The following PHF14 variants were observed in gnomAD, a reference collection of about 807,000 sequenced individuals.
The protein encoded by PHF14 is PHD finger protein 14.
PHF14 carries 55 observed loss-of-function variants against 117.9 expected under a neutral mutation model. That is an observed-to-expected ratio of 0.47 (90% CI 0.38 to 0.58). The LOEUF (loss-of-function observed/expected upper bound fraction) is 0.58, where lower values mean the gene tolerates loss of function less well. PHF14 is among the 20% of genes least tolerant of loss of function. The probability of loss-of-function intolerance (pLI) is 0.00; values close to 1 mark genes in which losing one functional copy is unlikely to be tolerated. For missense variants in PHF14, 978 were observed against 1,122.2 expected, an observed-to-expected ratio of 0.87 and a Z score of 1.84; for synonymous variants, 409 against 368.6, an observed-to-expected ratio of 1.11 and a Z score of -1.26.
chr7:11,002,049 T>A (rs1036838028), intron 4 of PHF14, among the ~76,000 whole-genome samples: 8 of 151,920 alleles, frequency 5.3e-5, no homozygotes, highest in Non-Finnish European at 8.8e-5. Flanking sequence ...GTTTTTTTTT[T>A]ACTTGTTTGT....
chr7:11,075,574 T>TG (rs1043479822), intron 16 of PHF14, among the ~76,000 whole-genome samples: 1 of 147,660 alleles, frequency 6.8e-6, no homozygotes, highest in African/African-American at 2.5e-5. Context: ...GTTTTTTTTT[T>TG]TTTTTTTTTT....
intron 17 of PHF14, among the ~76,000 whole-genome samples, chr7:11,125,459 T>C (rs902543682): frequency 1.3e-5 from 2 of 152,144 alleles, no homozygotes; most frequent in African/African-American, 4.8e-5. Context: ...TCTAAGTGTA[T>C]TGAGTATAAA....
chr7:10,983,226 C>A, intron 3 of PHF14, 67 bp downstream of exon 3: 1 of 1,511,076 alleles, frequency 6.6e-7, no homozygotes, highest in South Asian at 1.3e-5. Context: ...AATCACTCTA[C>A]ACATTGTATT....
chr7:11,065,270 T>C (rs79397621), intron 16 of PHF14, among the ~76,000 whole-genome samples: 1,836 of 152,192 alleles, frequency 0.012, 34 homozygotes, highest in African/African-American at 0.042. Context: ...ATCTAAATGC[T>C]AAAGGTCAAG....
chr7:11,092,636 C>G (rs535790820), intron 16 of PHF14, among the ~76,000 whole-genome samples: 18 of 151,964 alleles, frequency 1.2e-4, no homozygotes, highest in Admixed American at 1.3e-4. Flanking sequence ...GGGCATATGC[C>G]TTTTTTGCAT....
At chr7:11,092,547 T>A (rs1786679021) in intron 16 of PHF14, among the ~76,000 whole-genome samples, 1 of 116,098 alleles carries the variant, frequency 8.6e-6, no homozygotes, top group Non-Finnish European at 1.8e-5. Flanking sequence ...TGGATCTCAC[T>A]CTTGAAGATT....
chr7:11,104,081 A>G (rs940816401), intron 16 of PHF14: 2 of 984,714 alleles, frequency 2.0e-6, no homozygotes, highest in Non-Finnish European at 1.2e-6. Flanking sequence ...CTCTTTTAAT[A>G]TTTAGTGAGA....
chr7:11,037,047 A>G lies in PHF14; in HGVS notation c.1936A>G (p.Lys646Glu). The G allele has an allele frequency of 6.6e-7, 1 of 1,507,006 alleles. No individual in the cohort carries two copies. Among genetic ancestry groups the G allele is most frequent in the Non-Finnish European group, 9.1e-7 (1 of 1,099,684 alleles). 93.4% of individuals were successfully genotyped at this position (1,507,006 alleles called of 1,614,324 possible). The change falls in exon 10 of 18, where the codon AAA becomes GAA. Residue 646 changes from lysine (K) to glutamate (E), a missense_variant. By Grantham distance (56) the Lys-to-Glu change is moderately conservative. Coordinates refer to ENST00000634607, the MANE Select transcript of PHF14 (RefSeq NM_001007157.2). ...NMAEQKNIKDKLENEQEKLHV... is the reference protein window; with the variant it reads ...NMAEQKNIKDELENEQEKLHV... Reference sequence around the variant, plus strand: ...GGCTGAACAAAAGAATATAAAAGATAAATTAGAGAATGAACAAGAAAAGCT... The same window carrying G: ...GGCTGAACAAAAGAATATAAAAGATGAATTAGAGAATGAACAAGAAAAGCT...
chr7:11,021,547 T>C (rs73678564), intron 5 of PHF14, among the ~76,000 whole-genome samples: 3,170 of 152,256 alleles, frequency 0.021, 125 homozygotes, highest in African/African-American at 0.073. Flanking sequence ...ACTTGTGTAC[T>C]ACATTTTAAG....
intron 5 of PHF14, among the ~76,000 whole-genome samples, chr7:11,019,144 T>C (rs1783636376): frequency 1.3e-5 from 2 of 152,310 alleles, no homozygotes; most frequent in South Asian, 2.1e-4. Context: ...GCTGGTATTT[T>C]GTTGAGGATC....
In PHF14 at chr7:11,084,201, T is replaced by TAC. The variant is rs200820924; in HGVS notation, c.2654+22126_2654+22127dup. On this transcript the variant is annotated intron_variant, in intron 16 of 17. Transcript: ENST00000634607. Reference sequence around the variant, plus strand: ...TACAGAACTTAAACTTCAAAATATGTACACACACACAATCTGAAAAAATGT... The same window carrying TAC: ...TACAGAACTTAAACTTCAAAATATGTACACACACACACAATCTGAAAAAATGT... 5.4e-3 allele frequency among the ~76,000 whole-genome samples: 828 copies of TAC among 152,292 alleles called. 6 individuals are homozygous for TAC. Among genetic ancestry groups the TAC allele is most frequent in the African/African-American group, 0.019 (791 of 41,556 alleles).
At chr7:11,108,548 A>G (rs1380329000) in intron 16 of PHF14, 1 of 151,736 alleles carries the variant, frequency 6.6e-6, no homozygotes, top group Non-Finnish European at 1.5e-5. Context: ...CCACATGTCG[A>G]CTAAGTAATT....
chr7:11,087,667 A>G (rs1408337363), intron 16 of PHF14, among the ~76,000 whole-genome samples: 3 of 152,140 alleles, frequency 2.0e-5, no homozygotes, highest in Non-Finnish European at 4.4e-5. Flanking sequence ...AACCACAACT[A>G]TATTTGACTC....
intron 3 of PHF14, among the ~76,000 whole-genome samples, chr7:10,984,665 G>T (rs1388234337): frequency 2.0e-5 from 3 of 152,116 alleles, no homozygotes; most frequent in African/African-American, 4.8e-5. Flanking sequence ...GTGTCGATTA[G>T]ATTTATGCTA....
At chr7:11,141,937 TATCAAAA>T (rs1282574399) in intron 17 of PHF14, among the ~76,000 whole-genome samples, 2 of 151,998 alleles carry the variant, frequency 1.3e-5, no homozygotes, top group African/African-American at 4.8e-5. Flanking sequence ...TTCCTCAAAT[TATCAAAA>T]TATGAGAAGT....
At chr7:11,165,636 A>G (rs1165690281) in intron 17 of PHF14, among the ~76,000 whole-genome samples, 1 of 152,218 alleles carries the variant, frequency 6.6e-6, no homozygotes. Context: ...TAAATTCCAG[A>G]TGCTAAAATA....
chr7:11,164,597 G>T (rs1453946847), intron 17 of PHF14, among the ~76,000 whole-genome samples: 1 of 152,066 alleles, frequency 6.6e-6, no homozygotes, highest in Non-Finnish European at 1.5e-5. Flanking sequence ...TCATTAGGTA[G>T]CCATTTTTAT....
chr7:11,019,974 G>A (rs1417292220), intron 5 of PHF14, among the ~76,000 whole-genome samples: 2 of 152,066 alleles, frequency 1.3e-5, no homozygotes, highest in Non-Finnish European at 2.9e-5. Context: ...TTTGTTGGGT[G>A]TCCTCCCAGC....
At chr7:11,053,511 G>T (rs1286534396) in intron 14 of PHF14, among the ~76,000 whole-genome samples, 1 of 151,830 alleles carries the variant, frequency 6.6e-6, no homozygotes, top group Non-Finnish European at 1.5e-5. Flanking sequence ...TTCTATAATT[G>T]TTTGAAAATG....
Sources: gnomAD v4.1 joint callset for allele counts (sites outside exome capture counted in the v4.1 genomes callset) on GRCh38, gnomAD v4.1.1 for gene constraint, MANE v1.5 for transcripts, NCBI Gene and HGNC (gene_info 2026-07-23, HGNC 2026-07-21) for gene names.